TMEM132C: variants seen among roughly 807,000 people sequenced by gnomAD.
TMEM132C encodes protein phosphatase 1, regulatory subunit 152.
A neutral mutation model predicts 61.4 loss-of-function variants in TMEM132C; 29 were observed. That is an observed-to-expected ratio of 0.47 (90% CI 0.35 to 0.64). TMEM132C has a LOEUF of 0.64. Among genes scored for constraint, TMEM132C ranks in the 30% least tolerant of loss-of-function variants. TMEM132C has a pLI of 0.00. For synonymous variants in TMEM132C, 656 were observed against 633.1 expected, an observed-to-expected ratio of 1.04 and a Z score of -0.54; for missense variants, 1,408 against 1,476.9, an observed-to-expected ratio of 0.95 and a Z score of 0.76.
intron 2 of TMEM132C, among the ~76,000 whole-genome samples, chr12:128,493,075 C>T (rs1871802518): frequency 6.6e-6 from 1 of 152,150 alleles, no homozygotes; most frequent in African/African-American, 2.4e-5. Context: ...TATGGCTAGC[C>T]AGTTTTCCCA....
intron 3 of TMEM132C, among the ~76,000 whole-genome samples, chr12:128,594,782 A>G (rs2135569008): frequency 6.6e-6 from 1 of 152,358 alleles, no homozygotes; most frequent in South Asian, 2.1e-4. Context: ...ACGAAATTGC[A>G]GCCTTTAAAC....
At chr12:128,275,495 A>G (rs1029442842) in intron 1 of TMEM132C, among the ~76,000 whole-genome samples, 2 of 152,064 alleles carry the variant, frequency 1.3e-5, no homozygotes, top group Non-Finnish European at 2.9e-5. Flanking sequence ...TAGGGCTCCC[A>G]CTGAATCTAC....
At chr12:128,574,847 C>T (rs1875031359) in intron 3 of TMEM132C, among the ~76,000 whole-genome samples, 5 of 152,176 alleles carry the variant, frequency 3.3e-5, no homozygotes, top group Admixed American at 3.3e-4. Flanking sequence ...TTGTCCTTGC[C>T]ACTCCTCATT....
intron 3 of TMEM132C, among the ~76,000 whole-genome samples, chr12:128,561,374 G>A (rs117257103): frequency 0.017 from 2,542 of 152,276 alleles, 34 homozygotes; most frequent in Middle Eastern, 0.048. Flanking sequence ...GAGCAGGAAA[G>A]CTCAGGCTGT....
At chr12:128,568,332 A>G (rs1166069867) in intron 3 of TMEM132C, among the ~76,000 whole-genome samples, 1 of 152,208 alleles carries the variant, frequency 6.6e-6, no homozygotes, top group African/African-American at 2.4e-5. Flanking sequence ...GCAAGGATGC[A>G]TTCTCCTGGC....
intron 4 of TMEM132C, among the ~76,000 whole-genome samples, chr12:128,664,844 C>A (rs549827501): frequency 6.6e-6 from 1 of 152,304 alleles, no homozygotes; most frequent in South Asian, 2.1e-4. Flanking sequence ...CAATTGTATA[C>A]ACATAAATAG....
chr12:128,527,802 A>G (rs531489816), intron 2 of TMEM132C, among the ~76,000 whole-genome samples: 3 of 152,242 alleles, frequency 2.0e-5, no homozygotes, highest in African/African-American at 7.2e-5. Context: ...TTTCAAGCCA[A>G]CACTTGCCTA....
chr12:128,552,779 G>T (rs375376737), intron 3 of TMEM132C, among the ~76,000 whole-genome samples: 2 of 152,038 alleles, frequency 1.3e-5, no homozygotes, highest in Non-Finnish European at 2.9e-5. Context: ...ATGGTGGTGC[G>T]TGCCTGTAAT....
chr12:128,396,583 T>C (rs1041352242), intron 1 of TMEM132C, among the ~76,000 whole-genome samples: 7 of 152,150 alleles, frequency 4.6e-5, no homozygotes, highest in African/African-American at 1.7e-4. Flanking sequence ...ATAATAATAA[T>C]AATAATAGGT....
intron 3 of TMEM132C, among the ~76,000 whole-genome samples, chr12:128,559,116 A>G (rs200375451): frequency 1.3e-5 from 2 of 148,218 alleles, no homozygotes; most frequent in African/African-American, 2.5e-5. Flanking sequence ...CACACACACA[A>G]ACACACACAC....
At chr12:128,275,973 T>C (rs2135894119) in intron 1 of TMEM132C, among the ~76,000 whole-genome samples, 1 of 152,312 alleles carries the variant, frequency 6.6e-6, no homozygotes, top group Admixed American at 6.5e-5. Context: ...CACAGCAATC[T>C]TTGCCTCCGT....
chr12:128,415,601 G>C lies in TMEM132C; in HGVS notation c.955G>C (p.Val319Leu), dbSNP rs1315764520. Residue 319 changes from valine (V) to leucine (L), a missense_variant, in exon 2 of 9, where the codon GTG becomes CTG. By Grantham distance (32) the Val-to-Leu change is conservative. Transcript: ENST00000435159. This position sits in a 1 kb window ranked among gnomAD's most constrained non-coding sequence, Gnocchi z 5.8. ...TGTCACCATCTCGAGCAATTCCTCT[G>C]TGGACCTCTTCATCTTGAGGTAGGT... is the stretch of plus-strand genomic sequence containing the variant. ...AYVTISSNSS[V>L]DLFILRAKVK... The C allele has an allele frequency of 2.0e-6, 3 of 1,536,374 alleles. No homozygotes were observed. The highest frequency in any genetic ancestry group is 2.4e-5 in the South Asian group (2 of 82,070).
chr12:128,640,641 A>G (rs571492896), intron 4 of TMEM132C, among the ~76,000 whole-genome samples: 1 of 152,336 alleles, frequency 6.6e-6, no homozygotes, highest in African/African-American at 2.4e-5. Flanking sequence ...CATGCCTGTA[A>G]TCCCAACACT....
chr12:128,295,230 G>A (rs1871369255), intron 1 of TMEM132C, among the ~76,000 whole-genome samples: 1 of 152,112 alleles, frequency 6.6e-6, no homozygotes, highest in Non-Finnish European at 1.5e-5. Context: ...GGAGTGCAGT[G>A]GCACAATCAC....
At chr12:128,635,148 T>G (rs994375910) in intron 4 of TMEM132C, among the ~76,000 whole-genome samples, 2 of 152,244 alleles carry the variant, frequency 1.3e-5, no homozygotes, top group Admixed American at 6.5e-5. Flanking sequence ...TTCCTGACAT[T>G]ATCTCCAATA....
intron 1 of TMEM132C, among the ~76,000 whole-genome samples, chr12:128,343,207 C>T (rs981264346): frequency 4.6e-5 from 7 of 152,160 alleles, no homozygotes; most frequent in African/African-American, 1.7e-4. Flanking sequence ...GGGTGGATCA[C>T]GAGGTCAAGA....
intron 4 of TMEM132C, among the ~76,000 whole-genome samples, chr12:128,664,098 G>A (rs569166647): frequency 1.9e-4 from 23 of 122,574 alleles, no homozygotes; most frequent in Admixed American, 1.8e-3. Context: ...CCACACGCAC[G>A]CACACAGGCA....
At chr12:128,359,462 A>G (rs1408814996) in intron 1 of TMEM132C, among the ~76,000 whole-genome samples, 1 of 152,154 alleles carries the variant, frequency 6.6e-6, no homozygotes, top group Non-Finnish European at 1.5e-5. Context: ...CCATGTGGGG[A>G]TTATTACCAT....
At chr12:128,450,480 A>T (rs1870142657) in intron 2 of TMEM132C, among the ~76,000 whole-genome samples, 1 of 152,222 alleles carries the variant, frequency 6.6e-6, no homozygotes, top group Admixed American at 6.5e-5. Flanking sequence ...CAGTTGAATG[A>T]TTAAAGACCA....
Sources: gnomAD v4.1 joint callset for allele counts (sites outside exome capture counted in the v4.1 genomes callset) on GRCh38, gnomAD v4.1.1 for gene constraint, Gnocchi (gnomAD v3.1) non-coding constraint, MANE v1.5 for transcripts, NCBI Gene and HGNC (gene_info 2026-07-23, HGNC 2026-07-21) for gene names.